Variants in C1QTNF7 observed in about 807,000 individuals in gnomAD.
C1QTNF7 encodes the protein complement C1q tumor necrosis factor-related protein 7.
In C1QTNF7, 15 loss-of-function variants were observed where a neutral mutation model predicts 19.6. That is an observed-to-expected ratio of 0.76 (90% CI 0.51 to 1.18). C1QTNF7 has a LOEUF of 1.18. C1QTNF7 is among the 50% of genes most tolerant of loss of function. The pLI is 0.00. For missense variants in C1QTNF7, 324 were observed against 359.7 expected (o/e 0.90, Z 0.80); for synonymous variants, 142 against 137.5 (o/e 1.03, Z -0.23).
At chr4:15,362,071 A>AGCTC (rs1178869324) in intron 1 of C1QTNF7, among the ~76,000 whole-genome samples, 1 of 152,166 alleles carries the variant, frequency 6.6e-6, no homozygotes, top group Non-Finnish European at 1.5e-5. Flanking sequence ...AAGTCAATTA[A>AGCTC]GCTCGCTATT....
intron 1 of C1QTNF7, among the ~76,000 whole-genome samples, chr4:15,365,474 G>T (rs1254126479): frequency 1.3e-5 from 2 of 152,126 alleles, no homozygotes; most frequent in Non-Finnish European, 1.5e-5. Flanking sequence ...ATTTCACGTG[G>T]TTCAACTTAG....
At chr4:15,401,020 C>A (rs1718971645) in intron 1 of C1QTNF7, among the ~76,000 whole-genome samples, 1 of 152,162 alleles carries the variant, frequency 6.6e-6, no homozygotes, top group Admixed American at 6.5e-5. Flanking sequence ...GAAGGGTGAT[C>A]CTGCCAAGTG....
intron 1 of C1QTNF7, among the ~76,000 whole-genome samples, chr4:15,369,881 C>T (rs1717658821): frequency 6.6e-6 from 1 of 152,126 alleles, no homozygotes; most frequent in African/African-American, 2.4e-5. Flanking sequence ...CCACCTCAGT[C>T]AGCATTCAGT....
intron 1 of C1QTNF7, among the ~76,000 whole-genome samples, chr4:15,380,222 T>G (rs1444605090): frequency 6.6e-6 from 1 of 152,264 alleles, no homozygotes; most frequent in African/African-American, 2.4e-5. Context: ...CTATTAAGTG[T>G]ATCAGCTAGG....
intron 1 of C1QTNF7, among the ~76,000 whole-genome samples, chr4:15,362,026 C>T (rs567575192): frequency 1.3e-5 from 2 of 152,128 alleles, no homozygotes; most frequent in Non-Finnish European, 2.9e-5. Flanking sequence ...GAAGCCAGGC[C>T]GACTGGGTTC....
intron 1 of C1QTNF7, among the ~76,000 whole-genome samples, chr4:15,360,417 ATCT>A (rs1717296295): frequency 6.6e-6 from 1 of 152,306 alleles, no homozygotes; most frequent in Non-Finnish European, 1.5e-5. Context: ...GTTTAAGAAC[ATCT>A]TCTTTTTTAT....
At chr4:15,350,830 G>GA (rs1225098121) in intron 1 of C1QTNF7, among the ~76,000 whole-genome samples, 1 of 152,202 alleles carries the variant, frequency 6.6e-6, no homozygotes, top group African/African-American at 2.4e-5. Flanking sequence ...AAACTAATGG[G>GA]AAATAGGAGA....
At chr4:15,417,846 C>A (rs1264954613) in intron 1 of C1QTNF7, among the ~76,000 whole-genome samples, 1 of 152,140 alleles carries the variant, frequency 6.6e-6, no homozygotes, top group Admixed American at 6.5e-5. Context: ...AGGAAATGGG[C>A]CACATGGATC....
At chr4:15,412,733 T>C (rs1457991145) in intron 1 of C1QTNF7, among the ~76,000 whole-genome samples, 1 of 152,188 alleles carries the variant, frequency 6.6e-6, no homozygotes, top group East Asian at 1.9e-4. Context: ...ACCTGGAAAG[T>C]AAATTACACT....
chr4:15,376,448 T>C (rs187702301), intron 1 of C1QTNF7, among the ~76,000 whole-genome samples: 3 of 152,330 alleles, frequency 2.0e-5, no homozygotes, highest in African/African-American at 4.8e-5. Flanking sequence ...ACAAACCAGA[T>C]TGGCATCTGT....
intron 1 of C1QTNF7, among the ~76,000 whole-genome samples, chr4:15,375,811 A>G (rs1244088754): frequency 6.6e-6 from 1 of 152,202 alleles, no homozygotes; most frequent in Non-Finnish European, 1.5e-5. Context: ...AGCTCCTCCA[A>G]AATAAATAAT....
intron 1 of C1QTNF7, among the ~76,000 whole-genome samples, chr4:15,364,111 C>T (rs889908003): frequency 2.0e-5 from 3 of 152,210 alleles, no homozygotes; most frequent in African/African-American, 7.2e-5. Context: ...TTCTCTAAAC[C>T]ATCACACCCC....
chr4:15,374,868 T>A, intron 1 of C1QTNF7: 6 of 553,376 alleles, frequency 1.1e-5, no homozygotes, highest in Non-Finnish European at 1.3e-5. Context: ...TCTCTCTCTC[T>A]CTCTTTTTTT....
intron 1 of C1QTNF7, chr4:15,361,320 C>T (rs1380216623): frequency 6.6e-6 from 1 of 151,888 alleles, no homozygotes; most frequent in Admixed American, 6.6e-5. Context: ...TTCAAAATTA[C>T]ACAACTAATG....
Position 15,435,921 on chromosome 4 carries a change from C to A in C1QTNF7, c.178C>A (p.Leu60Ile). 2 of 1,614,066 alleles carry A rather than the reference C, an allele frequency of 1.2e-6. No homozygotes were observed. The highest frequency in any genetic ancestry group is 1.7e-6 in the Non-Finnish European group (2 of 1,180,006). Residue 60 changes from leucine (L) to isoleucine (I), a missense_variant, in exon 2 of 3, where the codon CTT becomes ATT. Physicochemically the swap from Leu to Ile is conservative, Grantham distance 5. Coordinates refer to ENST00000444304, the MANE Select transcript of C1QTNF7 (RefSeq NM_031911.5). ...CCCTGGGCCCCATGGTCGCATCGGC[C>A]TTCCAGGAAGAGATGGTAGAGACGG... ...GSPGPHGRIG[L>I]PGRDGRDGRK...
intron 1 of C1QTNF7, among the ~76,000 whole-genome samples, chr4:15,401,393 CAG>C (rs748753464): frequency 2.0e-5 from 3 of 152,148 alleles, no homozygotes; most frequent in Non-Finnish European, 4.4e-5. Flanking sequence ...GTAGGAAGAA[CAG>C]AAACCACAAA....
intron 2 of C1QTNF7, among the ~76,000 whole-genome samples, chr4:15,437,350 G>A (rs865867716): frequency 1.3e-5 from 2 of 151,804 alleles, no homozygotes; most frequent in Non-Finnish European, 2.9e-5. Context: ...TGGTAATAAG[G>A]GTGATTGTTA....
intron 1 of C1QTNF7, among the ~76,000 whole-genome samples, chr4:15,393,307 A>C (rs1193223377): frequency 6.6e-6 from 1 of 152,196 alleles, no homozygotes; most frequent in Non-Finnish European, 1.5e-5. Flanking sequence ...GCATGAAAAC[A>C]GACTAGTTTC....
intron 1 of C1QTNF7, among the ~76,000 whole-genome samples, chr4:15,428,437 A>G (rs891789149): frequency 1.3e-5 from 2 of 152,194 alleles, no homozygotes; most frequent in Admixed American, 6.6e-5. Context: ...TCAAAACTTT[A>G]TCAATAATGA....
Sources: allele counts gnomAD v4.1 joint callset (sites outside exome capture counted in the v4.1 genomes callset), GRCh38; gene constraint gnomAD v4.1.1; transcripts MANE v1.5; gene names NCBI Gene and HGNC (gene_info 2026-07-23, HGNC 2026-07-21).